FANCD2: variants seen among roughly 807,000 people sequenced by gnomAD.
FANCD2 encodes the protein Fanconi anemia group D2 protein.
Under a neutral mutation model 192.3 loss-of-function variants are expected in FANCD2, and 131 were observed. The observed-to-expected ratio is 0.68, with a 90% CI of 0.59 to 0.79. The LOEUF is 0.79. Ranked by LOEUF, FANCD2 falls within the 30% of genes least tolerant of loss-of-function variation. The pLI, the probability that FANCD2 is intolerant of heterozygous loss-of-function variation, is 0.00. For synonymous variants in FANCD2, 524 were observed against 612.5 expected, an observed-to-expected ratio of 0.86 and a Z score of 2.13; for missense variants, 1,508 against 1,701.6, an observed-to-expected ratio of 0.89 and a Z score of 2.00.
chr3:10,039,395 A>G (rs375679113), intron 8 of FANCD2, 38 bp downstream of exon 8: 4 of 1,480,380 alleles, frequency 2.7e-6, no homozygotes, highest in African/African-American at 1.4e-5. Flanking sequence ...TTTAAAGAGT[A>G]TGTTTCTCAT....
In FANCD2 at chr3:10,096,416, C is replaced by G; in HGVS notation, c.4129C>G (p.Leu1377Val). The stretch of plus-strand genomic sequence containing the variant: ...TTGCAGAGTCAAAGCTATGCTCACT[C>G]TCAACAATTGTAGAGAGGCTTTCTG... ...LVCRVKAMLT[L>V]NNCREAFWLG... The change falls in exon 42 of 44, where the codon CTC (leucine) becomes GTC (valine). Residue 1377 changes from leucine (L) to valine (V), a missense_variant. Physicochemically the swap from Leu to Val is conservative, Grantham distance 32. Coordinates refer to ENST00000675286, the MANE Select transcript of FANCD2 (RefSeq NM_001018115.3). The G allele has an allele frequency of 1.9e-6, 3 of 1,614,156 alleles. No individual in the cohort carries two copies. The highest frequency in any genetic ancestry group is 2.5e-6 in the Non-Finnish European group (3 of 1,179,996).
intron 9 of FANCD2, chr3:10,040,118 T>C: frequency 2.3e-6 from 1 of 427,902 alleles, no homozygotes; most frequent in Non-Finnish European, 4.2e-6. Flanking sequence ...CACTGCAACC[T>C]CCGCCTCCTG....
intron 19 of FANCD2, among the ~76,000 whole-genome samples, chr3:10,060,636 C>T (rs769150639): frequency 6.6e-6 from 1 of 152,150 alleles, no homozygotes; most frequent in Non-Finnish European, 1.5e-5. Flanking sequence ...TAAGGATTGG[C>T]TAGAGGTAAA....
chr3:10,101,065 TAA>T (rs78434344), intron 43 of FANCD2, 121 bp from the exon 44 acceptor site: 7,425 of 606,616 alleles, frequency 0.012, no homozygotes, highest in South Asian at 0.017. Flanking sequence ...AAGACTCCTT[TAA>T]AAAAAAAAAA....
chr3:10,067,816 A>C (rs1056963481), intron 26 of FANCD2, among the ~76,000 whole-genome samples: 2 of 152,178 alleles, frequency 1.3e-5, no homozygotes, highest in African/African-American at 4.8e-5. Flanking sequence ...AACAAAAGAA[A>C]GATTATTCAT....
intron 38 of FANCD2, among the ~76,000 whole-genome samples, chr3:10,092,550 C>T (rs374597517): frequency 1.6e-4 from 24 of 151,942 alleles, no homozygotes; most frequent in South Asian, 1.2e-3. Flanking sequence ...ATGATCTGAG[C>T]GCACATTCCC....
rs774017874 is a variant in FANCD2, at chr3:10,096,327, T to G, written c.4040T>G (p.Ile1347Ser). ...LLHHLCGHSK[I>S]HQDTRLTQHV... Reference sequence around the variant, plus strand: ...TGGATGTTATTTATTTCCATTCAGATTCACCAGGACACGAGACTCACCCAA... The same window carrying G: ...TGGATGTTATTTATTTCCATTCAGAGTCACCAGGACACGAGACTCACCCAA... Residue 1347 changes from isoleucine (I) to serine (S), a missense_variant and splice_region_variant, in exon 42 of 44, where the codon ATT becomes AGT. This residue lies in a region of FANCD2 where 796 missense variants were observed against 879.4 expected (regional missense o/e 0.91). Coordinates refer to ENST00000675286, the MANE Select transcript of FANCD2 (RefSeq NM_001018115.3). 1.2e-6 allele frequency: 2 copies of G among 1,614,062 alleles called. No homozygotes were observed. The highest frequency in any genetic ancestry group is 3.3e-5 in the Admixed American group (2 of 60,018).
chr3:10,090,966 C>T (rs1694569655), intron 37 of FANCD2, among the ~76,000 whole-genome samples: 2 of 152,050 alleles, frequency 1.3e-5, no homozygotes, highest in South Asian at 4.2e-4. Context: ...TGAGGTAAGC[C>T]AGCCTGTTTG....
intron 26 of FANCD2, among the ~76,000 whole-genome samples, chr3:10,069,508 C>A (rs529823667): frequency 2.9e-4 from 40 of 140,066 alleles, no homozygotes; most frequent in African/African-American, 1.0e-3. Flanking sequence ...CCCTCTGATG[C>A]CGAGCCAAAG....
intron 38 of FANCD2, 85 bp downstream of exon 38, chr3:10,092,337 C>G: frequency 1.0e-6 from 1 of 998,632 alleles, no homozygotes; most frequent in South Asian, 1.3e-5. Context: ...TTTCCTTGCT[C>G]CTCTTCCCAC....
chr3:10,085,798 C>CT lies in FANCD2; in HGVS notation c.3225-12dup, dbSNP rs1376832291. On this transcript the variant is annotated splice_polypyrimidine_tract_variant and intron_variant, in intron 32 of 43. Transcript: ENST00000675286. Reference sequence around the variant, plus strand: ...CAGAAACTAAGCTAACCCCTCTTACCTTGACTTCCTTAGGAGTGGATTTTC... The same window carrying CT: ...CAGAAACTAAGCTAACCCCTCTTACCTTTGACTTCCTTAGGAGTGGATTTTC... 6.3e-7 allele frequency: 1 copy of CT among 1,579,764 alleles called. No homozygotes were observed. The highest frequency in any genetic ancestry group is 2.2e-5 in the East Asian group (1 of 44,686).
chr3:10,098,985 A>G (rs1469001443), intron 43 of FANCD2, 170 bp downstream of exon 43: 11 of 1,613,958 alleles, frequency 6.8e-6, no homozygotes, highest in African/African-American at 1.3e-5. Flanking sequence ...TGGGACCCAG[A>G]AGAAACAACG....
Position 10,065,031 on chromosome 3 carries a change from C to A in FANCD2, c.2168+156C>A, listed in dbSNP as rs529161683. Among the ~76,000 whole-genome samples, 4 of 152,218 alleles carry A rather than the reference C, an allele frequency of 2.6e-5. No individual in the cohort carries two copies. In the East Asian group the frequency reaches 7.7e-4, roughly 29 times the overall value. On this transcript the variant is annotated intron_variant, in intron 23 of 43. Coordinates refer to ENST00000675286, the MANE Select transcript of FANCD2 (RefSeq NM_001018115.3). ...GAATGGGGCAGATTCCTTGTTTTTT[C>A]TTGGATCCTTGGCTTGAGATTTATA...
chr3:10,039,952 G>A (rs1211184202), intron 9 of FANCD2, 107 bp downstream of exon 9: 2 of 1,311,024 alleles, frequency 1.5e-6, no homozygotes, highest in Non-Finnish European at 2.2e-6. Flanking sequence ...CTAAAAAGAG[G>A]ATGATACCCC....
intron 32 of FANCD2, among the ~76,000 whole-genome samples, chr3:10,082,431 A>T (rs767176870): frequency 1.3e-5 from 2 of 152,048 alleles, no homozygotes; most frequent in African/African-American, 2.4e-5. Flanking sequence ...CCTAACATAA[A>T]CCCAGTTTGA....
intron 6 of FANCD2, 34 bp from the exon 7 acceptor site, chr3:10,036,253 A>T (rs2086728790): frequency 6.4e-7 from 1 of 1,556,574 alleles, no homozygotes; most frequent in Non-Finnish European, 8.9e-7. Flanking sequence ...GTATTTTGAG[A>T]TCATCTCCTA....
At chr3:10,096,236 G>A (rs1274235130) in intron 41 of FANCD2, 90 bp from the exon 42 acceptor site, 1 of 1,380,652 alleles carries the variant, frequency 7.2e-7, no homozygotes, top group East Asian at 2.3e-5. Context: ...CAGGGCTTGT[G>A]TTCTTATTCA....
At chr3:10,093,236 C>T (rs753657093) in intron 38 of FANCD2, 49 bp from the exon 39 acceptor site, 1 of 1,509,784 alleles carries the variant, frequency 6.6e-7, no homozygotes, top group Non-Finnish European at 9.2e-7. Context: ...GGCTGGAGTG[C>T]TCAAAGGAGC....
In FANCD2 at chr3:10,030,785, A is replaced by G. The variant is rs184802482; in HGVS notation, c.65-2047A>G. Among the ~76,000 whole-genome samples the G allele has an allele frequency of 1.6e-4, 25 of 152,202 alleles. 1 individual carries two copies. The highest frequency in any genetic ancestry group is 3.9e-4 in the Admixed American group (6 of 15,292). ...CGTGGTGTCACGTGTCTGTAATCTC[A>G]GCTACTCGGGAGGCTGAGGCAGGGG... is the stretch of plus-strand genomic sequence containing the variant. On this transcript the variant is annotated intron_variant, in intron 2 of 43. Coordinates refer to ENST00000675286, the MANE Select transcript of FANCD2 (RefSeq NM_001018115.3).
Sources: gnomAD v4.1 joint callset for allele counts (sites outside exome capture counted in the v4.1 genomes callset) on GRCh38, gnomAD v4.1.1 for gene constraint, gnomAD v4.1.1 regional missense constraint, MANE v1.5 for transcripts, NCBI Gene and HGNC (gene_info 2026-07-23, HGNC 2026-07-21) for gene names.